Variants in PPFIBP1 observed in about 807,000 individuals in gnomAD.
PPFIBP1 encodes liprin-beta-1.
A neutral mutation model predicts 137.8 loss-of-function variants in PPFIBP1; 112 were observed. The ratio of observed to expected loss-of-function variants is 0.81; its 90% CI spans 0.70 to 0.95. PPFIBP1 has a LOEUF of 0.95. PPFIBP1 is among the 40% of genes least tolerant of loss of function. PPFIBP1 has a pLI of 0.00. For synonymous variants in PPFIBP1, 378 were observed against 417.3 expected (o/e 0.91, Z 1.15); for missense variants, 1,083 against 1,196.6 (o/e 0.91, Z 1.40).
At chr12:27,595,803 G>T (rs1481941822) in intron 2 of PPFIBP1, among the ~76,000 whole-genome samples, 1 of 151,134 alleles carries the variant, frequency 6.6e-6, no homozygotes, top group Non-Finnish European at 1.5e-5. Context: ...GCGGTGAGCG[G>T]AGATAGCGCC....
At chr12:27,611,740 C>T (rs187453299) in intron 2 of PPFIBP1, among the ~76,000 whole-genome samples, 181 of 151,898 alleles carry the variant, frequency 1.2e-3, no homozygotes, top group Middle Eastern at 6.8e-3. Flanking sequence ...TTCCCAGATC[C>T]GACCCACCAG....
At chr12:27,553,809 C>G (rs1005801314) in intron 1 of PPFIBP1, among the ~76,000 whole-genome samples, 1 of 152,182 alleles carries the variant, frequency 6.6e-6, no homozygotes, top group African/African-American at 2.4e-5. Flanking sequence ...CTGCAGCCAA[C>G]GATCAAATGG....
intron 10 of PPFIBP1, among the ~76,000 whole-genome samples, chr12:27,659,373 G>T (rs754892538): frequency 6.6e-5 from 10 of 152,050 alleles, no homozygotes; most frequent in Non-Finnish European, 1.2e-4. Flanking sequence ...ATCCTGCCAG[G>T]CATGGTGGGA....
intron 4 of PPFIBP1, among the ~76,000 whole-genome samples, 164 bp from the exon 5 acceptor site, chr12:27,645,898 G>A (rs1565929630): frequency 6.6e-6 from 1 of 152,172 alleles, no homozygotes; most frequent in Non-Finnish European, 1.5e-5. Context: ...TACCTCTTTT[G>A]TGGTAAATGA....
At chr12:27,661,048 G>C (rs7133545) in intron 11 of PPFIBP1, 103 bp downstream of exon 11, 1,495,590 of 1,496,926 alleles carry the variant, frequency 1, 747,140 homozygotes, top group East Asian at 1. Context: ...AACATGCCCA[G>C]AACACTGCTA....
chr12:27,643,106 A>G (rs1427032831), intron 4 of PPFIBP1, among the ~76,000 whole-genome samples: 2 of 150,262 alleles, frequency 1.3e-5, no homozygotes, highest in East Asian at 2.0e-4. Context: ...CCTCCTAAAC[A>G]TAGTGGGAAG....
At chr12:27,591,003 C>T (rs1297018644) in intron 2 of PPFIBP1, among the ~76,000 whole-genome samples, 1 of 151,990 alleles carries the variant, frequency 6.6e-6, no homozygotes, top group East Asian at 1.9e-4. Flanking sequence ...CAATGTTTAC[C>T]CACTACAGAA....
chr12:27,591,945 C>T lies in PPFIBP1; in HGVS notation c.-36+13706C>T, dbSNP rs74074014. Among the ~76,000 whole-genome samples the T allele has an allele frequency of 1.9e-3, 292 of 152,304 alleles. 2 individuals are homozygous for T. Among genetic ancestry groups the T allele is most frequent in the African/African-American group, 6.8e-3 (284 of 41,560 alleles). On this transcript the variant is annotated intron_variant, in intron 2 of 29. Transcript: ENST00000228425. ...AGTTCAAGCCAAATCATCCTGCCAC[C>T]GCAGGAATGTGATGGGTCACGCTGC...
At chr12:27,613,818 G>A (rs1301821174) in intron 2 of PPFIBP1, among the ~76,000 whole-genome samples, 2 of 152,016 alleles carry the variant, frequency 1.3e-5, no homozygotes, top group African/African-American at 2.4e-5. Context: ...TCTCCAGCAC[G>A]AGGGACTTTC....
intron 22 of PPFIBP1, 22 bp downstream of exon 22, chr12:27,681,718 T>A: frequency 1.2e-6 from 2 of 1,613,086 alleles, no homozygotes; most frequent in Non-Finnish European, 1.7e-6. Context: ...TCTGTTTTGT[T>A]CACACAATGG....
chr12:27,603,495 C>T (rs1299391359), intron 2 of PPFIBP1, among the ~76,000 whole-genome samples: 1 of 152,158 alleles, frequency 6.6e-6, no homozygotes, highest in African/African-American at 2.4e-5. Context: ...CATGTGTGCA[C>T]ACAATAATTA....
At chr12:27,579,932 T>C (rs1750795850) in intron 2 of PPFIBP1, among the ~76,000 whole-genome samples, 1 of 152,124 alleles carries the variant, frequency 6.6e-6, no homozygotes, top group Non-Finnish European at 1.5e-5. Context: ...GTGAGTGATG[T>C]GGTGGGGCTT....
At chr12:27,667,072 T>A (rs1379053609) in intron 12 of PPFIBP1, 94 bp from the exon 13 acceptor site, 10 of 1,283,620 alleles carry the variant, frequency 7.8e-6, no homozygotes, top group Admixed American at 3.1e-5. Flanking sequence ...GAAAAAATTT[T>A]ATATTCGTTA....
chr12:27,668,660 T>C (rs140014409), intron 13 of PPFIBP1, among the ~76,000 whole-genome samples: 40 of 152,352 alleles, frequency 2.6e-4, no homozygotes, highest in African/African-American at 9.1e-4. Context: ...ATACGAATCA[T>C]GTTATAATTC....
In PPFIBP1 at chr12:27,676,571, C is replaced by T. The variant is rs917006525; in HGVS notation, c.1554C>T (p.Asn518=). ...GGGGCTTTTTTAAAATCAAAAGTAA[C>T]AAGAGAACAGCAAGTGCACCAAACT... The part of the protein sequence containing the change: ...FGRGFFKIKS[N]KRTASAPNLD... Residue 518 remains asparagine (N), a synonymous_variant, in exon 18 of 30, where the codon AAC becomes AAT. Coordinates refer to ENST00000228425, the MANE Select transcript of PPFIBP1 (RefSeq NM_003622.4). The T allele has an allele frequency of 1.9e-6, 3 of 1,597,898 alleles. No homozygotes were observed. The African/African-American group carries it at 4.0e-5, about 22-fold the overall frequency.
chr12:27,591,687 G>A (rs1592687650), intron 2 of PPFIBP1, among the ~76,000 whole-genome samples: 1 of 152,116 alleles, frequency 6.6e-6, no homozygotes, highest in African/African-American at 2.4e-5. Context: ...AACCCTGTGA[G>A]GTATGTATTA....
intron 2 of PPFIBP1, among the ~76,000 whole-genome samples, chr12:27,605,659 G>A (rs1052722676): frequency 6.6e-6 from 1 of 151,918 alleles, no homozygotes; most frequent in Non-Finnish European, 1.5e-5. Context: ...ATTTTGTGCT[G>A]GCCACATTTC....
In PPFIBP1 at chr12:27,670,734, G is replaced by A. The variant is rs61272194; in HGVS notation, c.1147-697G>A. On this transcript the variant is annotated intron_variant, in intron 13 of 29. Coordinates refer to ENST00000228425, the MANE Select transcript of PPFIBP1 (RefSeq NM_003622.4). ...TTCAAGGCTGCAGTGAGCCATGATC[G>A]CAGCACTGTACTTTAGTGTGGATGA... Among the ~76,000 whole-genome samples the A allele has an allele frequency of 2.3e-3, 349 of 150,910 alleles. 2 individuals are homozygous for A. Among genetic ancestry groups the A allele is most frequent in the African/African-American group, 6.9e-3 (283 of 41,208 alleles).
chr12:27,631,969 G>A (rs908751900), intron 2 of PPFIBP1, among the ~76,000 whole-genome samples: 4 of 151,630 alleles, frequency 2.6e-5, no homozygotes, highest in African/African-American at 9.7e-5. Flanking sequence ...TGCACTGGCT[G>A]AGTGTGTGAA....
Sources: gnomAD v4.1 joint callset for allele counts (sites outside exome capture counted in the v4.1 genomes callset) on GRCh38, gnomAD v4.1.1 for gene constraint, MANE v1.5 for transcripts, NCBI Gene and HGNC (gene_info 2026-07-23, HGNC 2026-07-21) for gene names.